Variants in FHIT observed in about 807,000 individuals in gnomAD.
FHIT encodes bis(5'-adenosyl)-triphosphatase.
FHIT carries 19 observed loss-of-function variants against 17.9 expected under a neutral mutation model. That is an observed-to-expected ratio of 1.06 (90% confidence interval 0.74 to 1.56). FHIT has a LOEUF of 1.56. Among genes scored for constraint, FHIT ranks in the 40% most tolerant of loss-of-function variants. FHIT has a pLI of 0.00. For missense variants in FHIT, 248 were observed against 189.2 expected, an observed-to-expected ratio of 1.31 and a Z score of -1.82; for synonymous variants, 81 against 69.7, an observed-to-expected ratio of 1.16 and a Z score of -0.81.
chr3:60,448,975 G>C (rs58285270), intron 5 of FHIT, among the ~76,000 whole-genome samples: 7,911 of 152,164 alleles, frequency 0.052, 668 homozygotes, highest in African/African-American at 0.17. Context: ...AATTCGGTAG[G>C]TTTGGAAAAT....
chr3:60,505,067 T>C (rs1327875215), intron 5 of FHIT, among the ~76,000 whole-genome samples: 1 of 145,096 alleles, frequency 6.9e-6, no homozygotes, highest in East Asian at 2.0e-4. Flanking sequence ...TGGACATTTG[T>C]CAAAGATGTA....
At chr3:60,472,100 T>C (rs2033115831) in intron 5 of FHIT, among the ~76,000 whole-genome samples, 1 of 140,402 alleles carries the variant, frequency 7.1e-6, no homozygotes, top group Non-Finnish European at 1.5e-5. Context: ...ACATCACCAC[T>C]ACACAATATA....
chr3:61,155,916 T>C (rs1252415687), intron 2 of FHIT, among the ~76,000 whole-genome samples: 2 of 152,186 alleles, frequency 1.3e-5, no homozygotes, highest in African/African-American at 4.8e-5. Flanking sequence ...TTTGTTCAAA[T>C]AATGAAATGC....
At chr3:60,211,309 T>C (rs780551432) in intron 5 of FHIT, among the ~76,000 whole-genome samples, 3 of 151,964 alleles carry the variant, frequency 2.0e-5, no homozygotes, top group African/African-American at 4.8e-5. Context: ...TATGTATATA[T>C]TGTATTTGTA....
At position 60,112,178 on chromosome 3, in the gene FHIT, A is replaced by T. The variant is rs528398305; in HGVS notation, c.104-98026T>A. 9.0e-4 allele frequency among the ~76,000 whole-genome samples: 137 copies of T among 152,284 alleles called. 3 individuals are homozygous for T. The highest frequency in any genetic ancestry group is 3.9e-4 in the Admixed American group (6 of 15,294). On this transcript the variant is annotated intron_variant, in intron 5 of 9. Coordinates refer to ENST00000492590, the MANE Select transcript of FHIT (RefSeq NM_002012.4). The stretch of plus-strand genomic sequence containing the variant: ...TTAAGCAGGGGAGATTTAATACAGC[A>T]AAGTTGGTGCTGGAGAAATAACTTG...
At chr3:60,018,654 A>G (rs1264320816) in intron 5 of FHIT, among the ~76,000 whole-genome samples, 3 of 152,138 alleles carry the variant, frequency 2.0e-5, no homozygotes, top group African/African-American at 7.2e-5. Flanking sequence ...CTGCTGCATA[A>G]TAAACTACCC....
intron 3 of FHIT, among the ~76,000 whole-genome samples, chr3:60,922,992 C>T (rs569732796): frequency 1.2e-4 from 18 of 152,270 alleles, no homozygotes; most frequent in Admixed American, 2.6e-4. Flanking sequence ...TAAGCAAATA[C>T]GCAGTAAACA....
rs376842071 is a variant in FHIT at position 60,495,388 on chromosome 3, C to G, written c.103+41472G>C. ...AAGTACTTCATTTCCCAACTGTTTT[C>G]TATTTTTCTTTTCCCAAAACTATTC... On this transcript the variant is annotated intron_variant, in intron 5 of 9. Transcript: ENST00000492590. Among the ~76,000 whole-genome samples the G allele has an allele frequency of 3.4e-4, 52 of 151,674 alleles. No homozygotes were observed. The East Asian group carries it at 8.1e-3, about 24-fold the overall frequency.
intron 4 of FHIT, among the ~76,000 whole-genome samples, chr3:60,603,926 A>G (rs2038525468): frequency 6.6e-6 from 1 of 152,124 alleles, no homozygotes; most frequent in Non-Finnish European, 1.5e-5. Flanking sequence ...CATACTTTAT[A>G]GGTATTTTGT....
intron 2 of FHIT, among the ~76,000 whole-genome samples, chr3:61,089,781 A>G (rs1480549624): frequency 1.3e-5 from 2 of 152,206 alleles, no homozygotes; most frequent in Admixed American, 1.3e-4. Flanking sequence ...ACCAAAGAGT[A>G]GAAACTATAA....
chr3:61,053,664 G>A (rs369840456), intron 2 of FHIT, among the ~76,000 whole-genome samples: 4 of 149,540 alleles, frequency 2.7e-5, no homozygotes, highest in Non-Finnish European at 3.0e-5. Flanking sequence ...TCCGTCTCAA[G>A]AAAAAAAAAA....
chr3:60,166,664 C>T (rs1323440311), intron 5 of FHIT, among the ~76,000 whole-genome samples: 2 of 152,172 alleles, frequency 1.3e-5, no homozygotes, highest in Admixed American at 6.5e-5. Flanking sequence ...ATGACCTTCA[C>T]ATTATACGTT....
chr3:59,980,503 G>A (rs1025869516), intron 7 of FHIT, among the ~76,000 whole-genome samples: 1 of 152,130 alleles, frequency 6.6e-6, no homozygotes, highest in Non-Finnish European at 1.5e-5. Flanking sequence ...GGAATTTTAT[G>A]GGGTTTGTCT....
chr3:59,989,525 G>A (rs982874536), intron 7 of FHIT, among the ~76,000 whole-genome samples: 1 of 152,064 alleles, frequency 6.6e-6, no homozygotes, highest in Non-Finnish European at 1.5e-5. Context: ...CCATGGCACA[G>A]GGTCTCTGAG....
chr3:60,785,897 ACACACACAC>A (rs781873791), intron 4 of FHIT, among the ~76,000 whole-genome samples: 2,353 of 133,580 alleles, frequency 0.018, 46 homozygotes, highest in Middle Eastern at 0.03. Flanking sequence ...CAAACAGAAG[ACACACACAC>A]ACACACACAC....
chr3:60,367,982 T>A (rs1304302027), intron 5 of FHIT, among the ~76,000 whole-genome samples: 1 of 152,198 alleles, frequency 6.6e-6, no homozygotes, highest in South Asian at 2.1e-4. Context: ...GAAATTTTTC[T>A]TCTTATAGGT....
intron 4 of FHIT, among the ~76,000 whole-genome samples, chr3:60,744,605 C>A (rs540138203): frequency 6.6e-6 from 1 of 152,300 alleles, no homozygotes; most frequent in Admixed American, 6.5e-5. Context: ...CTAACCAAAA[C>A]CATTACCATC....
intron 5 of FHIT, among the ~76,000 whole-genome samples, chr3:60,174,897 T>G (rs1342869517): frequency 1.3e-5 from 2 of 152,238 alleles, no homozygotes; most frequent in Non-Finnish European, 2.9e-5. Context: ...ATATCTCATA[T>G]AAATGCAATC....
intron 4 of FHIT, among the ~76,000 whole-genome samples, chr3:60,668,995 T>C (rs1553693223): frequency 6.6e-6 from 1 of 152,194 alleles, no homozygotes; most frequent in Non-Finnish European, 1.5e-5. Flanking sequence ...CTGTTTATTA[T>C]ATTTTAATTG....
Sources: gnomAD v4.1 joint callset for allele counts (sites outside exome capture counted in the v4.1 genomes callset) on GRCh38, gnomAD v4.1.1 for gene constraint, MANE v1.5 for transcripts, NCBI Gene and HGNC (gene_info 2026-07-23, HGNC 2026-07-21) for gene names.